POLE2: variants seen among roughly 807,000 people sequenced by gnomAD.
POLE2 encodes the protein DNA polymerase epsilon 2, accessory subunit.
POLE2 carries 56 observed loss-of-function variants against 79.4 expected under a neutral mutation model. The observed-to-expected ratio is 0.71, with a 90% confidence interval of 0.57 to 0.88. POLE2 has a LOEUF of 0.88. POLE2 is among the 40% of genes least tolerant of loss of function. The probability of loss-of-function intolerance (pLI) is 0.00; values close to 1 mark genes in which losing one functional copy is unlikely to be tolerated. For missense variants in POLE2, 598 were observed against 638.9 expected (o/e 0.94, Z 0.69); for synonymous variants, 212 against 214.0 (o/e 0.99, Z 0.08).
At chr14:49,673,005 C>G (rs982651916) in intron 5 of POLE2, among the ~76,000 whole-genome samples, 1 of 152,144 alleles carries the variant, frequency 6.6e-6, no homozygotes, top group Non-Finnish European at 1.5e-5. Context: ...ACAACATTCT[C>G]TTTTTCCTGT....
chr14:49,679,214 A>G (rs1222334390), intron 3 of POLE2, among the ~76,000 whole-genome samples: 2 of 152,098 alleles, frequency 1.3e-5, no homozygotes, highest in East Asian at 3.9e-4. Context: ...GTATCATATC[A>G]AGAGGAAAGA....
chr14:49,684,593 G>A (rs1357932992), intron 1 of POLE2: 1 of 151,236 alleles, frequency 6.6e-6, no homozygotes, highest in South Asian at 2.1e-4. Context: ...AGATGGAAGA[G>A]GCCCTCGGGC....
Position 49,650,182 on chromosome 14 carries a change from C to A in POLE2, c.1497+83G>T, listed in dbSNP as rs530735809. The A allele has an allele frequency of 2.4e-4, 161 of 665,212 alleles. No homozygotes were observed. The African/African-American group carries it at 2.8e-3, about 11-fold the overall frequency. The allele number at this position is 665,212 out of a possible 1,614,324, so 41.2% of individuals were successfully genotyped here. A position where few individuals can be genotyped will look rare whatever the true frequency, so the allele number is the denominator to read the frequency against. ...AGCATATTTTTACTTCGACAATAAT[C>A]TTATTAAATATATATTTTTAAATTA... On this transcript the variant is annotated intron_variant, in intron 17 of 18. Coordinates refer to ENST00000216367, the MANE Select transcript of POLE2 (RefSeq NM_002692.4).
chr14:49,674,308 T>C (rs1292830152), intron 4 of POLE2, 42 bp downstream of exon 4: 2 of 1,484,732 alleles, frequency 1.3e-6, no homozygotes, highest in Admixed American at 3.4e-5. Flanking sequence ...AAAAAAAAAG[T>C]ACATTTGAAA....
intron 11 of POLE2, 92 bp downstream of exon 11, chr14:49,655,579 G>A: frequency 1.3e-6 from 1 of 795,720 alleles, no homozygotes. Flanking sequence ...TTTTTAAATA[G>A]AATACTCAAA....
intron 3 of POLE2, among the ~76,000 whole-genome samples, chr14:49,674,817 C>T (rs1239719901): frequency 1.3e-5 from 2 of 152,114 alleles, no homozygotes; most frequent in Non-Finnish European, 2.9e-5. Context: ...CCACTCACCT[C>T]GGCCTCCCAA....
At chr14:49,666,828 A>G (rs1885519670) in intron 6 of POLE2, among the ~76,000 whole-genome samples, 1 of 152,160 alleles carries the variant, frequency 6.6e-6, no homozygotes, top group Non-Finnish European at 1.5e-5. Context: ...AAAGGCTCTC[A>G]TTATTATTTA....
intron 11 of POLE2, 125 bp from the exon 12 acceptor site, chr14:49,655,219 T>G: frequency 3.0e-6 from 1 of 331,556 alleles, no homozygotes; most frequent in Non-Finnish European, 5.4e-6. Flanking sequence ...AATAACTTAT[T>G]AAAATAATAC....
intron 16 of POLE2, 62 bp downstream of exon 16, chr14:49,651,207 T>C: frequency 1.4e-6 from 1 of 719,776 alleles, no homozygotes; most frequent in East Asian, 2.6e-5. Flanking sequence ...ATTAAGTGGC[T>C]TAATAAAATT....
At chr14:49,673,682 G>C (rs1886051589) in intron 5 of POLE2, among the ~76,000 whole-genome samples, 1 of 152,182 alleles carries the variant, frequency 6.6e-6, no homozygotes, top group African/African-American at 2.4e-5. Context: ...GTAAAGTATA[G>C]TAGGCAATGG....
At chr14:49,681,373 A>C in intron 2 of POLE2, 1 of 198,474 alleles carries the variant, frequency 5.0e-6, no homozygotes, top group Non-Finnish European at 1.1e-5. Context: ...AATGGACTGC[A>C]AATCATAAAA....
At chr14:49,650,194 A>G (rs1252159668) in intron 17 of POLE2, 71 bp downstream of exon 17, 2 of 725,254 alleles carry the variant, frequency 2.8e-6, no homozygotes, top group Admixed American at 3.4e-5. Context: ...TATTAAATAT[A>G]TATTTTTAAA....
intron 16 of POLE2, 42 bp from the exon 17 acceptor site, chr14:49,650,483 C>A: frequency 7.7e-7 from 1 of 1,303,794 alleles, no homozygotes; most frequent in South Asian, 2.5e-5. Flanking sequence ...AGTTCATTTG[C>A]AAAAGTGAAA....
intron 10 of POLE2, among the ~76,000 whole-genome samples, chr14:49,659,254 C>T (rs974002045): frequency 7.1e-6 from 1 of 141,840 alleles, no homozygotes; most frequent in Non-Finnish European, 1.5e-5. Flanking sequence ...CCCCACCAAT[C>T]CCTACACAAT....
In POLE2 at chr14:49,688,167, C is replaced by T; in HGVS notation, c.37G>A (p.Ala13Thr). 1 of 1,551,240 alleles carries T rather than the reference C, an allele frequency of 6.4e-7. No homozygotes were observed. The highest frequency in any genetic ancestry group is 8.7e-7 in the Non-Finnish European group (1 of 1,150,318). Residue 13 changes from alanine to threonine, a missense_variant, in exon 1 of 19, where the codon GCC (alanine) becomes ACC (threonine). Ala to Thr is a moderately conservative substitution (Grantham distance 58). Coordinates refer to ENST00000216367, the MANE Select transcript of POLE2 (RefSeq NM_002692.4). ...PERLRSRALS[A>T]FKLRGLLLRG... ...AGCAGCAAGCCCCGCAACTTGAAGG[C>T]GGAGAGCGCCCGGCTCCGCAGCCGC...
At chr14:49,669,909 C>G (rs1304848558) in intron 5 of POLE2, among the ~76,000 whole-genome samples, 2 of 152,162 alleles carry the variant, frequency 1.3e-5, no homozygotes, top group African/African-American at 2.4e-5. Flanking sequence ...GAAGTGCCAC[C>G]ACACAACAAA....
chr14:49,664,651 T>C lies in POLE2; in HGVS notation c.657A>G (p.Thr219=). 1 of 1,596,022 alleles carries C rather than the reference T, an allele frequency of 6.3e-7. No individual in the cohort carries two copies. The highest frequency in any genetic ancestry group is 8.6e-7 in the Non-Finnish European group (1 of 1,163,638). ...CTTCTGCTAAGACAAAGCATGCCTC[T>C]GTGTATAAACCACTATGGAACTGGT... ...SKAQFHSGLY[T]EACFVLAEGW... Residue 219 remains threonine (T), a synonymous_variant, in exon 9 of 19, where the codon ACA becomes ACG. Coordinates refer to ENST00000216367, the MANE Select transcript of POLE2 (RefSeq NM_002692.4).
At position 49,649,347 on chromosome 14, in the gene POLE2, C is replaced by T. The variant is rs565836232; in HGVS notation, c.1497+918G>A. Among the ~76,000 whole-genome samples, 24 of 151,444 alleles carry T rather than the reference C, an allele frequency of 1.6e-4. No individual in the cohort carries two copies. The South Asian group carries it at 4.2e-3, about 26-fold the overall frequency. ...GTTTTTAGTAGAGACGGGGTTGCAC[C>T]ATGTTAGCCAGGATGGTCTCGATCT... On this transcript the variant is annotated intron_variant, in intron 17 of 18. Coordinates refer to ENST00000216367, the MANE Select transcript of POLE2 (RefSeq NM_002692.4).
intron 3 of POLE2, among the ~76,000 whole-genome samples, chr14:49,678,862 G>A (rs1031373520): frequency 6.6e-6 from 1 of 151,984 alleles, no homozygotes; most frequent in African/African-American, 2.4e-5. Context: ...TCACCATGTT[G>A]GCCAGGCTGG....
Sources: allele counts gnomAD v4.1 joint callset (sites outside exome capture counted in the v4.1 genomes callset), GRCh38; gene constraint gnomAD v4.1.1; transcripts MANE v1.5; gene names NCBI Gene and HGNC (gene_info 2026-07-23, HGNC 2026-07-21).